FMNL3: variants seen among roughly 807,000 people sequenced by gnomAD.
The protein encoded by FMNL3 is formin-like protein 3.
FMNL3 carries 57 observed loss-of-function variants against 119.6 expected under a neutral mutation model. That is an observed-to-expected ratio of 0.48 (90% CI 0.39 to 0.59). The LOEUF is 0.59. FMNL3 is among the 20% of genes least tolerant of loss of function. The probability of loss-of-function intolerance (pLI) is 0.00; values close to 1 mark genes in which losing one functional copy is unlikely to be tolerated. For missense variants in FMNL3, 1,053 were observed against 1,323.5 expected (o/e 0.80, Z 3.17); for synonymous variants, 491 against 507.3 (o/e 0.97, Z 0.43).
At position 49,649,218 on chromosome 12, in the gene FMNL3, C is replaced by G; in HGVS notation, c.2385+41G>C. ...AAGCACTCTGGCTCCACAACTGCTG[C>G]CCCCCAGGCTTCCTGGCCCACGCTG... On this transcript the variant is annotated intron_variant, in intron 20 of 25. Coordinates refer to ENST00000335154, the MANE Select transcript of FMNL3 (RefSeq NM_175736.5). This position sits in a 1 kb window ranked among gnomAD's most constrained non-coding sequence, Gnocchi z 5.6. The G allele has an allele frequency of 1.9e-6, 3 of 1,612,902 alleles. No individual in the cohort carries two copies. The highest frequency in any genetic ancestry group is 1.7e-6 in the Non-Finnish European group (2 of 1,179,400).
chr12:49,672,923 A>G (rs775801173), intron 1 of FMNL3, among the ~76,000 whole-genome samples: 1 of 152,202 alleles, frequency 6.6e-6, no homozygotes, highest in Non-Finnish European at 1.5e-5. Flanking sequence ...AGGAACAGAG[A>G]CCAAAATGGC....
In FMNL3 at chr12:49,638,422, G is replaced by A. The variant is rs1942144515; in HGVS notation, c.*7393C>T. On this transcript the variant is annotated 3_prime_UTR_variant, in exon 26 of 26. Coordinates refer to ENST00000335154, the MANE Select transcript of FMNL3 (RefSeq NM_175736.5). ...CAAGCTGAGATGCCACTTTAGAAAG[G>A]GCAAGTCATCCTTCTCACCATTCCT... 1 of 152,350 alleles carries A rather than the reference G, an allele frequency of 6.6e-6. No homozygotes were observed. The highest frequency in any genetic ancestry group is 2.4e-5 in the African/African-American group (1 of 41,538). 9.4% of individuals were successfully genotyped at this position (152,350 alleles called of 1,614,324 possible). A position where few individuals can be genotyped will look rare whatever the true frequency, so the allele number is the denominator to read the frequency against.
chr12:49,695,299 C>A (rs973936018), intron 1 of FMNL3, among the ~76,000 whole-genome samples: 15 of 151,848 alleles, frequency 9.9e-5, no homozygotes, highest in African/African-American at 2.7e-4. Context: ...TTATTTGTAC[C>A]CTTACAGATA....
rs771876396 is a variant in FMNL3 at position 49,646,615 on chromosome 12, G to T, written c.2995+271C>A. The T allele has an allele frequency of 6.9e-6, 10 of 1,459,786 alleles. No homozygotes were observed. The African/African-American group carries it at 1.4e-4, about 21-fold the overall frequency. The allele number at this position is 1,459,786 out of a possible 1,614,324, so 90.4% of individuals were successfully genotyped here. On this transcript the variant is annotated intron_variant, in intron 25 of 25. Transcript: ENST00000335154. ...GAATCCTGGGAGACGGGCATGCAGA[G>T]GGGGCAGCTGCGGTGCCCAGTACCT...
In FMNL3 at chr12:49,643,494, T is replaced by C; in HGVS notation, c.*2321A>G. 1.4e-6 allele frequency: 2 copies of C among 1,461,454 alleles called. No individual in the cohort carries two copies. Among genetic ancestry groups the C allele is most frequent in the Non-Finnish European group, 1.8e-6 (2 of 1,086,246 alleles). 90.5% of individuals were successfully genotyped at this position (1,461,454 alleles called of 1,614,324 possible). A position where few individuals can be genotyped will look rare whatever the true frequency, so the allele number is the denominator to read the frequency against. ...CCAGCTCCTTTGAGGGTAGACTGGA[T>C]TGGGAGGGCTGCACCTGTGGAAGTA... On this transcript the variant is annotated 3_prime_UTR_variant, in exon 26 of 26. Coordinates refer to ENST00000335154, the MANE Select transcript of FMNL3 (RefSeq NM_175736.5).
chr12:49,692,864 T>C (rs1230504981), intron 1 of FMNL3, among the ~76,000 whole-genome samples: 1 of 152,146 alleles, frequency 6.6e-6, no homozygotes, highest in African/African-American at 2.4e-5. Context: ...ATCTGAGAGG[T>C]GGCATTTTTA....
At chr12:49,646,708 G>T in intron 25 of FMNL3, 178 bp downstream of exon 25, 1 of 1,543,896 alleles carries the variant, frequency 6.5e-7, no homozygotes, top group Non-Finnish European at 8.7e-7. Flanking sequence ...GAAGAAGCGT[G>T]AGCCCCGCTT....
In FMNL3 at chr12:49,650,793, G is replaced by A. The variant is rs1329048195; in HGVS notation, c.1883C>T (p.Thr628Ile). 6.2e-7 allele frequency: 1 copy of A among 1,614,214 alleles called. No homozygotes were observed. Among genetic ancestry groups the A allele is most frequent in the Non-Finnish European group, 8.5e-7 (1 of 1,180,032 alleles). The change falls in exon 17 of 26, where the codon ACA becomes ATA. Residue 628 changes from threonine (T) to isoleucine (I), a missense_variant. By Grantham distance (89) the Thr-to-Ile change is moderately conservative (BLOSUM62 -1). Coordinates refer to ENST00000335154, the MANE Select transcript of FMNL3 (RefSeq NM_175736.5). The part of the protein sequence containing the change: ...ALDLICSKNK[T>I]AQKAASKVTL... ...CACCTTGCTGGCAGCTTTTTGCGCT[G>A]TCTTGTTTTTGGAGCAGATGAGGTC...
At position 49,640,140 on chromosome 12, in the gene FMNL3, AC is replaced by A. The variant is rs1268260763; in HGVS notation, c.*5674del. The A allele has an allele frequency of 6.6e-6, 1 of 152,264 alleles. No individual in the cohort carries two copies. Among genetic ancestry groups the A allele is most frequent in the Admixed American group, 6.5e-5 (1 of 15,288 alleles). The allele number at this position is 152,264 out of a possible 1,614,324, so 9.4% of individuals were successfully genotyped here. ...CCTCTTGCTTTCCACAGCCAGGCAGACCATGATGGTGCCTTTCATCCCATAG... is the reference window on the plus strand; with the variant it reads ...CCTCTTGCTTTCCACAGCCAGGCAGACATGATGGTGCCTTTCATCCCATAG... On this transcript the variant is annotated 3_prime_UTR_variant, in exon 26 of 26. Transcript: ENST00000335154.
chr12:49,649,235 C>G lies in FMNL3; in HGVS notation c.2385+24G>C, dbSNP rs896769036. 3 of 1,613,776 alleles carry G rather than the reference C, an allele frequency of 1.9e-6. No individual in the cohort carries two copies. The African/African-American group carries it at 4.0e-5, about 22-fold the overall frequency. ...AACTGCTGCCCCCCAGGCTTCCTGGCCCACGCTGCCCTCACCATCTTACCA... is the reference window on the plus strand; with the variant it reads ...AACTGCTGCCCCCCAGGCTTCCTGGGCCACGCTGCCCTCACCATCTTACCA... On this transcript the variant is annotated intron_variant, in intron 20 of 25. Transcript: ENST00000335154. The surrounding 1 kb of genome is among the most constrained non-coding windows in gnomAD (Gnocchi z 5.6).
chr12:49,643,833 TGAG>T lies in FMNL3; in HGVS notation c.*1979_*1981del, dbSNP rs1942995556. 6.2e-7 allele frequency: 1 copy of T among 1,614,072 alleles called. No homozygotes were observed. Among genetic ancestry groups the T allele is most frequent in the Non-Finnish European group, 8.5e-7 (1 of 1,179,974 alleles). ...TGCCTCCCAGGCTATCCACAGGAAC[TGAG>T]GAGGTGGGCTCTGGACTCTTACAGA... On this transcript the variant is annotated 3_prime_UTR_variant, in exon 26 of 26. Transcript: ENST00000335154.
At chr12:49,656,582 T>C in intron 8 of FMNL3, 85 bp from the exon 9 acceptor site, 1 of 1,277,276 alleles carries the variant, frequency 7.8e-7, no homozygotes, top group Admixed American at 2.0e-5. Flanking sequence ...GTAAGTCCTT[T>C]TGGAGAGTGG....
chr12:49,650,710 G>A lies in FMNL3; in HGVS notation c.1966C>T (p.Arg656Cys), dbSNP rs770930654. 15 of 1,613,790 alleles carry A rather than the reference G, an allele frequency of 9.3e-6. No individual in the cohort carries two copies. The highest frequency in any genetic ancestry group is 4.5e-5 in the East Asian group (2 of 44,900). ...GCCCTGCAGATCTCCTCAGCCGAGC[G>A]GCCAGCCTTGCGTAGGGTGATGGCC... ...NLAITLRKAG[R>C]SAEEICRAIH... Residue 656 changes from arginine (R) to cysteine (C), a missense_variant, in exon 17 of 26, where the codon CGC becomes TGC. This residue lies in a region of FMNL3 where 445 missense variants were observed against 628.4 expected (regional missense o/e 0.71). Transcript: ENST00000335154.
rs948132103 is a variant in FMNL3, at chr12:49,643,979, C to A, written c.*1836G>T. The A allele has an allele frequency of 1.9e-6, 3 of 1,614,054 alleles. No individual in the cohort carries two copies. Among genetic ancestry groups the A allele is most frequent in the Non-Finnish European group, 2.5e-6 (3 of 1,180,030 alleles). On this transcript the variant is annotated 3_prime_UTR_variant, in exon 26 of 26. Coordinates refer to ENST00000335154, the MANE Select transcript of FMNL3 (RefSeq NM_175736.5). ...CAGGCAGAGCTCCCTAACCGTTCCC[C>A]AGGCTTTGGAATCAAGAAGGAGAAG... is the stretch of plus-strand genomic sequence containing the variant.
chr12:49,653,134 A>G, intron 13 of FMNL3, 92 bp downstream of exon 13: 1 of 1,155,676 alleles, frequency 8.7e-7, no homozygotes, highest in East Asian at 2.3e-5. Context: ...TAAATCCTAG[A>G]GAACTTGATA....
intron 1 of FMNL3, among the ~76,000 whole-genome samples, chr12:49,692,994 G>A (rs1156854118): frequency 6.6e-6 from 1 of 152,164 alleles, no homozygotes; most frequent in African/African-American, 2.4e-5. Flanking sequence ...TGTCCTGAAC[G>A]AAAGAGGGCT....
chr12:49,646,845 G>A, intron 25 of FMNL3, 41 bp downstream of exon 25: 1 of 1,610,624 alleles, frequency 6.2e-7, no homozygotes, highest in African/African-American at 1.3e-5. Flanking sequence ...TTTGGGAGCT[G>A]GGTGCAATGG....
chr12:49,700,714 C>CA lies in FMNL3; in HGVS notation c.126+6340dup, dbSNP rs59073094. Among the ~76,000 whole-genome samples, 268 of 63,904 alleles carry CA rather than the reference C, an allele frequency of 4.2e-3. 1 individual carries two copies. The highest frequency in any genetic ancestry group is 0.034 in the Middle Eastern group (2 of 58). The allele number at this position is 63,904 out of a possible 152,430, so 41.9% of individuals were successfully genotyped here. A position where few individuals can be genotyped will look rare whatever the true frequency, so the allele number is the denominator to read the frequency against. ...TGGGCGACACAGCAAGACTCCACCT[C>CA]AAAAAAAAAAAAAAAAAAAAAGGCA... On this transcript the variant is annotated intron_variant, in intron 1 of 25. Coordinates refer to ENST00000335154, the MANE Select transcript of FMNL3 (RefSeq NM_175736.5).
chr12:49,671,454 G>A (rs1944044274), intron 1 of FMNL3, among the ~76,000 whole-genome samples: 1 of 152,236 alleles, frequency 6.6e-6, no homozygotes, highest in African/African-American at 2.4e-5. Context: ...TAGGGAAGGA[G>A]GTGGGTAAGG....
Sources: gnomAD v4.1 joint callset for allele counts (sites outside exome capture counted in the v4.1 genomes callset) on GRCh38, gnomAD v4.1.1 for gene constraint, gnomAD v4.1.1 regional missense constraint, Gnocchi (gnomAD v3.1) non-coding constraint, MANE v1.5 for transcripts, NCBI Gene and HGNC (gene_info 2026-07-23, HGNC 2026-07-21) for gene names.